Variants in FMN2 observed in about 807,000 individuals in gnomAD.
FMN2 encodes formin 2.
A neutral mutation model predicts 142.3 loss-of-function variants in FMN2; 51 were observed. The ratio of observed to expected loss-of-function variants is 0.36; its 90% confidence interval spans 0.29 to 0.45. FMN2 has a LOEUF of 0.45. Ranked by LOEUF, FMN2 falls within the 20% of genes least tolerant of loss-of-function variation. FMN2 has a pLI of 1.00. For synonymous variants in FMN2, 882 were observed against 869.8 expected (o/e 1.01, Z -0.25); for missense variants, 1,936 against 2,122.8 (o/e 0.91, Z 1.73).
At chr1:240,391,349 C>T (rs142563399) in intron 14 of FMN2, among the ~76,000 whole-genome samples, 209 of 152,236 alleles carry the variant, frequency 1.4e-3, no homozygotes, top group African/African-American at 4.8e-3. Context: ...ATGAACTAGC[C>T]TAAGCCGTAC....
In FMN2 at chr1:240,128,238, T is replaced by C. The variant is rs148366407; in HGVS notation, c.1782+4893T>C. ...TGTATTTGGAACCTACTCTAGTCAT[T>C]TCTCTCATGCCTTTTTCCAAATGAG... is the stretch of plus-strand genomic sequence containing the variant. On this transcript the variant is annotated intron_variant, in intron 2 of 17. Coordinates refer to ENST00000319653, the MANE Select transcript of FMN2 (RefSeq NM_020066.5). Among the ~76,000 whole-genome samples the C allele has an allele frequency of 1.4e-3, 208 of 152,330 alleles. 1 individual carries two copies. The highest frequency in any genetic ancestry group is 4.8e-3 in the African/African-American group (200 of 41,584).
In FMN2 at chr1:240,438,192, A is replaced by G. The variant is rs556304951; in HGVS notation, c.5042A>G (p.Lys1681Arg). 17 of 1,613,158 alleles carry G rather than the reference A, an allele frequency of 1.1e-5. No individual in the cohort carries two copies. The African/African-American group carries it at 1.3e-4, about 13-fold the overall frequency. ...AAAGACTTCTGGAAGAAAGAGAACA[A>G]ACTTCTTCTACAAGAGAGGTAGGTA... is the stretch of plus-strand genomic sequence containing the variant. ...DFKDFWKKENKLLLQERVKEA... is the reference protein window; with the variant it reads ...DFKDFWKKENRLLLQERVKEA... The change falls in exon 16 of 18, where the codon AAA (lysine) becomes AGA (arginine). Residue 1681 changes from lysine (K) to arginine (R), a missense_variant. Lys to Arg is a conservative substitution (Grantham distance 26). Around this residue, in one of 8 missense-constraint regions of FMN2, gnomAD observed 322 missense variants for 401.6 expected, o/e 0.80. Transcript: ENST00000319653.
At chr1:240,322,842 G>A (rs74151624) in intron 8 of FMN2, among the ~76,000 whole-genome samples, 1 of 152,218 alleles carries the variant, frequency 6.6e-6, no homozygotes, top group South Asian at 2.1e-4. Context: ...TCCATGGCAA[G>A]CATGTTGCCA....
At chr1:240,280,579 G>A (rs552789624) in intron 7 of FMN2, among the ~76,000 whole-genome samples, 1 of 152,128 alleles carries the variant, frequency 6.6e-6, no homozygotes, top group Non-Finnish European at 1.5e-5. Context: ...TTTTACAAGA[G>A]CATAAATGTT....
At chr1:240,129,303 C>T (rs1407280505) in intron 2 of FMN2, among the ~76,000 whole-genome samples, 7 of 151,998 alleles carry the variant, frequency 4.6e-5, no homozygotes. Flanking sequence ...TATAGATATA[C>T]GTATATATTT....
At chr1:240,412,881 G>C (rs1378439221) in intron 15 of FMN2, among the ~76,000 whole-genome samples, 2 of 151,912 alleles carry the variant, frequency 1.3e-5, no homozygotes, top group Non-Finnish European at 2.9e-5. Context: ...CCAGCGCTTT[G>C]GGAGGCCGAG....
At chr1:240,286,058 C>T (rs188062384) in intron 7 of FMN2, among the ~76,000 whole-genome samples, 3 of 152,154 alleles carry the variant, frequency 2.0e-5, no homozygotes, top group South Asian at 2.1e-4. Flanking sequence ...GTAGCATTTT[C>T]GGTGTGGGTT....
At position 240,399,498 on chromosome 1, in the gene FMN2, T is replaced by C. The variant is rs185963039; in HGVS notation, c.4910+6936T>C. ...CCCTGTTGTGTCCTATTACGTCTTA[T>C]GGGAGCCGCTGCAGGAGCTCTAATC... On this transcript the variant is annotated intron_variant, in intron 15 of 17. Coordinates refer to ENST00000319653, the MANE Select transcript of FMN2 (RefSeq NM_020066.5). Among the ~76,000 whole-genome samples, 14 of 152,286 alleles carry C rather than the reference T, an allele frequency of 9.2e-5. No homozygotes were observed. The East Asian group carries it at 2.1e-3, about 23-fold the overall frequency.
At chr1:240,426,842 TCTC>T (rs1404566938) in intron 15 of FMN2, among the ~76,000 whole-genome samples, 1 of 151,944 alleles carries the variant, frequency 6.6e-6, no homozygotes, top group African/African-American at 2.4e-5. Flanking sequence ...TTCAAGCAAT[TCTC>T]CTCCTGCCTC....
rs1044190887 is a variant in FMN2 at position 240,409,092 on chromosome 1, G to A, written c.4910+16530G>A. On this transcript the variant is annotated intron_variant, in intron 15 of 17. Transcript: ENST00000319653. ...GGTGCCCTATTTAAGTGGCTAAGCC[G>A]TGGTCTCAGATATGAGATTGTAGAG... 3.4e-4 allele frequency among the ~76,000 whole-genome samples: 52 copies of A among 152,190 alleles called. 1 individual carries two copies. The highest frequency in any genetic ancestry group is 3.4e-3 in the Middle Eastern group (1 of 294).
At chr1:240,358,970 CAA>C (rs1362049400) in intron 14 of FMN2, among the ~76,000 whole-genome samples, 1 of 152,020 alleles carries the variant, frequency 6.6e-6, no homozygotes, top group Non-Finnish European at 1.5e-5. Context: ...ACTAAAAATA[CAA>C]AAGTTAGCCG....
At chr1:240,210,855 G>A (rs927180598) in intron 5 of FMN2, among the ~76,000 whole-genome samples, 1 of 152,084 alleles carries the variant, frequency 6.6e-6, no homozygotes, top group Non-Finnish European at 1.5e-5. Flanking sequence ...AGGCTTCCTG[G>A]AAATTATTTC....
At chr1:240,246,513 T>A (rs1186351175) in intron 6 of FMN2, among the ~76,000 whole-genome samples, 1 of 152,174 alleles carries the variant, frequency 6.6e-6, no homozygotes, top group East Asian at 1.9e-4. Context: ...GGCTTTAGGA[T>A]GTTGGGGTAG....
intron 10 of FMN2, among the ~76,000 whole-genome samples, chr1:240,329,690 A>G (rs886194298): frequency 6.6e-6 from 1 of 152,226 alleles, no homozygotes; most frequent in African/African-American, 2.4e-5. Flanking sequence ...AATGTGGCCA[A>G]TACATGTTGG....
chr1:240,145,143 T>C (rs958220073), intron 2 of FMN2: 136 of 1,483,348 alleles, frequency 9.2e-5, no homozygotes, highest in Non-Finnish European at 2.7e-5. Flanking sequence ...TGCCTTCGCA[T>C]TTCCTCCAGC....
chr1:240,396,310 G>A (rs1191151569), intron 15 of FMN2, among the ~76,000 whole-genome samples: 1 of 99,986 alleles, frequency 1.0e-5, no homozygotes, highest in Admixed American at 8.4e-5. Flanking sequence ...TTTCGTGTGT[G>A]TGTGTGTGTG....
At chr1:240,228,029 C>T (rs531704441) in intron 6 of FMN2, among the ~76,000 whole-genome samples, 162 of 151,928 alleles carry the variant, frequency 1.1e-3, no homozygotes, top group African/African-American at 3.3e-3. Context: ...CAAGGCCGAG[C>T]GCAGTGACTC....
chr1:240,413,626 T>C (rs1338073355), intron 15 of FMN2, among the ~76,000 whole-genome samples: 1 of 152,104 alleles, frequency 6.6e-6, no homozygotes, highest in Non-Finnish European at 1.5e-5. Context: ...AGAGGGGCAT[T>C]GTCAGGCTGG....
At chr1:240,115,933 A>G (rs547451643) in intron 1 of FMN2, among the ~76,000 whole-genome samples, 2 of 152,152 alleles carry the variant, frequency 1.3e-5, no homozygotes, top group Non-Finnish European at 2.9e-5. Flanking sequence ...AAATGACAGG[A>G]GATTCCCAGA....
Sources: allele counts gnomAD v4.1 joint callset (sites outside exome capture counted in the v4.1 genomes callset), GRCh38; gene constraint gnomAD v4.1.1; regional missense constraint gnomAD v4.1.1; transcripts MANE v1.5; gene names NCBI Gene and HGNC (gene_info 2026-07-23, HGNC 2026-07-21).